SUGCT: variants seen among roughly 807,000 people sequenced by gnomAD.
SUGCT encodes the protein succinyl-CoA:glutarate CoA-transferase.
In SUGCT, 41 loss-of-function variants were observed where a neutral mutation model predicts 55.0. The observed-to-expected ratio is 0.74, with a 90% CI of 0.58 to 0.97. The LOEUF (loss-of-function observed/expected upper bound fraction) is 0.97, where lower values mean the gene tolerates loss of function less well. Ranked by LOEUF, SUGCT falls within the 50% of genes least tolerant of loss-of-function variation. The pLI, the probability that SUGCT is intolerant of heterozygous loss-of-function variation, is 0.00. For missense variants in SUGCT, 568 were observed against 547.8 expected (o/e 1.04, Z -0.37); for synonymous variants, 187 against 200.4 (o/e 0.93, Z 0.56).
chr7:40,667,315 T>C (rs1448380395), intron 12 of SUGCT, among the ~76,000 whole-genome samples: 1 of 152,130 alleles, frequency 6.6e-6, no homozygotes, highest in Non-Finnish European at 1.5e-5. Flanking sequence ...GATCATGGTG[T>C]ATTAACTTTT....
At chr7:40,408,431 A>G (rs1230012171) in intron 9 of SUGCT, among the ~76,000 whole-genome samples, 1 of 151,996 alleles carries the variant, frequency 6.6e-6, no homozygotes, top group Non-Finnish European at 1.5e-5. Context: ...GCTTACTTAG[A>G]TGGTGACCTC....
chr7:40,844,380 G>A (rs1188167698), intron 13 of SUGCT, among the ~76,000 whole-genome samples: 1 of 152,104 alleles, frequency 6.6e-6, no homozygotes, highest in Admixed American at 6.5e-5. Context: ...TTTAGAGGTG[G>A]AAGTGGCTCT....
At chr7:40,433,982 C>T (rs192000028) in intron 9 of SUGCT, among the ~76,000 whole-genome samples, 5 of 152,160 alleles carry the variant, frequency 3.3e-5, no homozygotes, top group East Asian at 1.9e-4. Flanking sequence ...AACTTTGGGG[C>T]GGGCATATAC....
intron 13 of SUGCT, among the ~76,000 whole-genome samples, chr7:40,815,584 A>C (rs1791629224): frequency 6.6e-6 from 1 of 152,088 alleles, no homozygotes; most frequent in South Asian, 2.1e-4. Flanking sequence ...GGGCAGGATG[A>C]CTAAGGCAAG....
chr7:40,219,262 T>A (rs1166017769), intron 6 of SUGCT, among the ~76,000 whole-genome samples: 1 of 152,170 alleles, frequency 6.6e-6, no homozygotes, highest in African/African-American at 2.4e-5. Flanking sequence ...ACACACCATC[T>A]TTAAGAACTG....
chr7:40,823,164 T>C (rs17688571), intron 13 of SUGCT, among the ~76,000 whole-genome samples: 17,551 of 152,210 alleles, frequency 0.12, 1,331 homozygotes, highest in South Asian at 0.23. Context: ...CCATACATCC[T>C]ATTTGAATTT....
intron 10 of SUGCT, among the ~76,000 whole-genome samples, chr7:40,457,215 A>G (rs112771318): frequency 0.3 from 45,853 of 151,880 alleles, 9,372 homozygotes; most frequent in African/African-American, 0.58. Context: ...CGAAGTGGGC[A>G]GATCATTTGA....
intron 9 of SUGCT, among the ~76,000 whole-genome samples, chr7:40,367,176 A>G (rs1784029328): frequency 6.6e-6 from 1 of 150,396 alleles, no homozygotes; most frequent in East Asian, 2.0e-4. Flanking sequence ...CAAAAAACCA[A>G]ACATCGTATG....
intron 6 of SUGCT, among the ~76,000 whole-genome samples, chr7:40,209,008 A>G (rs1787178542): frequency 6.6e-6 from 1 of 152,146 alleles, no homozygotes; most frequent in African/African-American, 2.4e-5. Context: ...TTCCATACAC[A>G]TCTTCAGATT....
At chr7:40,736,648 AAAC>A (rs1400408703) in intron 12 of SUGCT, among the ~76,000 whole-genome samples, 2 of 152,166 alleles carry the variant, frequency 1.3e-5, no homozygotes, top group Non-Finnish European at 2.9e-5. Context: ...GACTTCTTGA[AAAC>A]AATAGTGAAA....
At chr7:41,008,615 C>G in the SUGCT span, among the ~76,000 whole-genome samples, 4,005 of 152,070 alleles carry the variant, frequency 0.026, 184 homozygotes, top group South Asian at 0.19. Flanking sequence ...CAAGGCTCCA[C>G]ATCTTCCATG....
intron 9 of SUGCT, among the ~76,000 whole-genome samples, chr7:40,401,843 C>A (rs1009032560): frequency 1.3e-5 from 2 of 152,140 alleles, no homozygotes; most frequent in African/African-American, 4.8e-5. Flanking sequence ...CAAGGAAAAG[C>A]CTTTTCCAAT....
chr7:40,625,409 C>T (rs894478079), intron 12 of SUGCT, among the ~76,000 whole-genome samples: 2 of 152,130 alleles, frequency 1.3e-5, no homozygotes, highest in African/African-American at 2.4e-5. Flanking sequence ...GCCACTCTGC[C>T]ACTGGAAGGT....
Position 40,457,030 on chromosome 7 carries a change from G to A in SUGCT, c.889-2071G>A, listed in dbSNP as rs76716206. Among the ~76,000 whole-genome samples, 1,497 of 151,598 alleles carry A rather than the reference G, an allele frequency of 9.9e-3. 15 individuals carry two copies. Among genetic ancestry groups the A allele is most frequent in the Middle Eastern group, 0.048 (14 of 292 alleles). ...TCATTATTTTTTCTCTTCTCCTTTC[G>A]TTTGCTACTCAGTTTATGGTGTTTT... On this transcript the variant is annotated intron_variant, in intron 10 of 13. Transcript: ENST00000335693.
chr7:40,738,003 C>T (rs1218055968), intron 12 of SUGCT, among the ~76,000 whole-genome samples: 2 of 151,306 alleles, frequency 1.3e-5, no homozygotes, highest in Admixed American at 1.3e-4. Context: ...AGATCAAGAC[C>T]ATCCTGGCCA....
chr7:40,422,386 C>T (rs569238594), intron 9 of SUGCT, among the ~76,000 whole-genome samples: 45 of 152,294 alleles, frequency 3.0e-4, no homozygotes, highest in African/African-American at 1.1e-3. Context: ...AAAATCTCAA[C>T]ATGTCTTCCA....
chr7:41,001,688 C>A, the SUGCT span, among the ~76,000 whole-genome samples: 1 of 152,052 alleles, frequency 6.6e-6, no homozygotes, highest in African/African-American at 2.4e-5. Context: ...TCTCTGGGGT[C>A]TTTTTCTTTA....
chr7:40,278,762 C>G (rs1374805282), intron 8 of SUGCT, among the ~76,000 whole-genome samples: 2 of 151,906 alleles, frequency 1.3e-5, no homozygotes, highest in Non-Finnish European at 2.9e-5. Context: ...TTCCCTCTCC[C>G]TCCCTTTTAT....
rs577128814 is a variant in SUGCT at position 40,717,244 on chromosome 7, C to T, written c.1090-32190C>T. On this transcript the variant is annotated intron_variant, in intron 12 of 13. Coordinates refer to ENST00000335693, the MANE Select transcript of SUGCT (RefSeq NM_001193313.2). ...CAGCTAAAAGCAGGCTCTTGTCACA[C>T]GACCAGGAAAGATTAGGCTCGCGGA... 9.2e-5 allele frequency among the ~76,000 whole-genome samples: 14 copies of T among 152,220 alleles called. No homozygotes were observed. The East Asian group carries it at 2.3e-3, about 25-fold the overall frequency.
Sources: allele counts gnomAD v4.1 joint callset (sites outside exome capture counted in the v4.1 genomes callset), GRCh38; gene constraint gnomAD v4.1.1; transcripts MANE v1.5; gene names NCBI Gene and HGNC (gene_info 2026-07-23, HGNC 2026-07-21).